MAPK8IP2: variants seen among roughly 807,000 people sequenced by gnomAD.
The protein encoded by MAPK8IP2 is mitogen-activated protein kinase 8 interacting protein 2.
A neutral mutation model predicts 75.6 loss-of-function variants in MAPK8IP2; 15 were observed. The observed-to-expected ratio is 0.20, with a 90% CI of 0.13 to 0.31. The LOEUF is 0.31. MAPK8IP2 is among the 10% of genes least tolerant of loss of function. The pLI, the probability that MAPK8IP2 is intolerant of heterozygous loss-of-function variation, is 1.00. For missense variants in MAPK8IP2, 1,089 were observed against 1,211.2 expected, an observed-to-expected ratio of 0.90 and a Z score of 1.50; for synonymous variants, 632 against 554.5, an observed-to-expected ratio of 1.14 and a Z score of -1.96.
At position 50,611,752 on chromosome 22, in the gene MAPK8IP2, C is replaced by A. The variant is rs1004033653; in HGVS notation, c.*973C>A. ...GTATCTAGAAGCACCCTTGGGAATT[C>A]TCCCTAGATACACTCGATTGGCCAC... On this transcript the variant is annotated 3_prime_UTR_variant, in exon 12 of 12. Transcript: ENST00000329492. This position sits in a 1 kb window ranked among gnomAD's most constrained non-coding sequence, Gnocchi z 5.5. 2.4e-4 allele frequency: 37 copies of A among 152,334 alleles called. No homozygotes were observed. The highest frequency in any genetic ancestry group is 8.2e-4 in the African/African-American group (34 of 41,552). The allele number at this position is 152,334 out of a possible 1,614,324, so 9.4% of individuals were successfully genotyped here.
Position 50,604,968 on chromosome 22 carries a change from G to T in MAPK8IP2, c.1669G>T (p.Gly557Cys). 1 of 1,612,234 alleles carries T rather than the reference G, an allele frequency of 6.2e-7. No individual in the cohort carries two copies. Residue 557 changes from glycine to cysteine, a missense_variant, in exon 5 of 12, where the codon GGT becomes TGT. Physicochemically the swap from Gly to Cys is radical, Grantham distance 159. Around this residue, in one of 2 missense-constraint regions of MAPK8IP2, gnomAD observed 960 missense variants for 1,009.6 expected, o/e 0.95. Coordinates refer to ENST00000329492, the MANE Select transcript of MAPK8IP2 (RefSeq NM_012324.6). ...EEAGAALLGG[G>C]QVSGDTSPDS... ...GGCGGGCGCGGCGCTGCTAGGCGGC[G>T]GTCAGGTCTCGGGGGACACCTCGCC...
intron 1 of MAPK8IP2, 125 bp from the exon 2 acceptor site, chr22:50,601,664 G>C (rs1196357651): frequency 3.0e-6 from 2 of 666,650 alleles, no homozygotes; most frequent in Non-Finnish European, 5.4e-6. Flanking sequence ...GATGTGTTCC[G>C]AGAGCTGGGG....
intron 5 of MAPK8IP2, 93 bp from the exon 6 acceptor site, chr22:50,605,275 G>A: frequency 7.9e-7 from 1 of 1,267,168 alleles, no homozygotes; most frequent in Non-Finnish European, 1.1e-6. Context: ...GGACTGTGGA[G>A]GGGACTTGGC....
At chr22:50,602,026 C>A in intron 2 of MAPK8IP2, 132 bp downstream of exon 2, 1 of 682,250 alleles carries the variant, frequency 1.5e-6, no homozygotes, top group Non-Finnish European at 2.6e-6. Flanking sequence ...TGGCTCCTCC[C>A]CACTTAACCC....
chr22:50,601,573 TTGGCTCCTCCGGGCAGGCC>T, intron 1 of MAPK8IP2, 197 bp from the exon 2 acceptor site: 1 of 527,390 alleles, frequency 1.9e-6, no homozygotes, highest in South Asian at 2.2e-5. Flanking sequence ...GGGGGCAGGG[TTGGCTCCTCCGGGCAGGCC>T]TGGCTCAGAT....
rs2146695894 is a variant in MAPK8IP2 at position 50,610,627 on chromosome 22, G to C, written c.2403-80G>C. 1 of 1,135,842 alleles carries C rather than the reference G, an allele frequency of 8.8e-7. No homozygotes were observed. The highest frequency in any genetic ancestry group is 1.3e-6 in the Non-Finnish European group (1 of 774,596). 70.4% of individuals were successfully genotyped at this position (1,135,842 alleles called of 1,614,324 possible). On this transcript the variant is annotated intron_variant, in intron 11 of 11. Transcript: ENST00000329492. This position sits in a 1 kb window ranked among gnomAD's most constrained non-coding sequence, Gnocchi z 4.3. ...TGGCTGCAGAGGGAGGAAGGAGGGA[G>C]AGCTCAGAGGCTCTGTGGAAGGCAG...
chr22:50,601,461 T>G (rs1221282582), intron 1 of MAPK8IP2: 1 of 252,494 alleles, frequency 4.0e-6, no homozygotes, highest in African/African-American at 2.2e-5. Context: ...GCGTTGCAGC[T>G]CCCCCTCCCC....
In MAPK8IP2 at chr22:50,607,386, A is replaced by G. The variant is rs908718340; in HGVS notation, c.2303+395A>G. Among the ~76,000 whole-genome samples, 4 of 152,094 alleles carry G rather than the reference A, an allele frequency of 2.6e-5. No homozygotes were observed. Among genetic ancestry groups the G allele is most frequent in the Admixed American group, 1.3e-4 (2 of 15,268 alleles). ...GTGTGGGATGCACTGGTCGGGGGCT[A>G]TATAGGCTCTGGGGCCCGCGTGTAA... On this transcript the variant is annotated intron_variant, in intron 10 of 11. Coordinates refer to ENST00000329492, the MANE Select transcript of MAPK8IP2 (RefSeq NM_012324.6). This position sits in a 1 kb window ranked among gnomAD's most constrained non-coding sequence, Gnocchi z 5.6.
At position 50,607,754 on chromosome 22, in the gene MAPK8IP2, G is replaced by A. The variant is rs754241091; in HGVS notation, c.2303+763G>A. 2.6e-5 allele frequency among the ~76,000 whole-genome samples: 4 copies of A among 152,046 alleles called. No individual in the cohort carries two copies. Among genetic ancestry groups the A allele is most frequent in the Non-Finnish European group, 4.4e-5 (3 of 68,000 alleles). On this transcript the variant is annotated intron_variant, in intron 10 of 11. Transcript: ENST00000329492. This position sits in a 1 kb window ranked among gnomAD's most constrained non-coding sequence, Gnocchi z 5.6. ...CACAAACGGTGAGACTGAAGTGGCC[G>A]TTGGTCCCATGGGTCTGGAGTTTAG...
rs780434914 is a variant in MAPK8IP2 at position 50,606,645 on chromosome 22, ACTT to A, written c.2125-7_2125-5del. 5.7e-6 allele frequency: 9 copies of A among 1,576,744 alleles called. No homozygotes were observed. Among genetic ancestry groups the A allele is most frequent in the East Asian group, 2.3e-5 (1 of 43,120 alleles). On this transcript the variant is annotated splice_polypyrimidine_tract_variant and intron_variant, in intron 8 of 11. Transcript: ENST00000329492. ...CTCCTCAAGACCCTCTTCTCCCCCAACTTCTTCTGTAGATTGCCACTGCCCGGA... is the reference window on the plus strand; with the variant it reads ...CTCCTCAAGACCCTCTTCTCCCCCAACTTCTGTAGATTGCCACTGCCCGGA...
intron 8 of MAPK8IP2, 131 bp from the exon 9 acceptor site, chr22:50,606,527 G>A: frequency 2.9e-6 from 2 of 701,056 alleles, no homozygotes; most frequent in Non-Finnish European, 2.6e-6. Flanking sequence ...TTCCAGAATT[G>A]CATCTCAGGG....
In MAPK8IP2 at chr22:50,604,544, C is replaced by T. The variant is rs1279788930; in HGVS notation, c.1245C>T (p.Cys415=). 14 of 1,151,322 alleles carry T rather than the reference C, an allele frequency of 1.2e-5. No individual in the cohort carries two copies. Among genetic ancestry groups the T allele is most frequent in the East Asian group, 4.5e-5 (1 of 22,464 alleles). The allele number at this position is 1,151,322 out of a possible 1,614,324, so 71.3% of individuals were successfully genotyped here. A position where few individuals can be genotyped will look rare whatever the true frequency, so the allele number is the denominator to read the frequency against. The change falls in exon 5 of 12, where the codon TGC becomes TGT. Residue 415 remains cysteine, a synonymous_variant. Transcript: ENST00000329492. The part of the protein sequence containing the change: ...GVELVDMETL[C]APPPPAPAAP... ...AGCTGGTGGACATGGAGACGCTGTG[C>T]GCGCCGCCGCCGCCCGCGCCCGCCG...
At position 50,610,327 on chromosome 22, in the gene MAPK8IP2, G is replaced by A. The variant is rs766734688; in HGVS notation, c.2402+17G>A. Reference sequence around the variant, plus strand: ...GAGTGTGGGGTGAGTGGGGCCCCAGGGTGTGGGTGCAGAATGGGTGCAGGG... The same window carrying A: ...GAGTGTGGGGTGAGTGGGGCCCCAGAGTGTGGGTGCAGAATGGGTGCAGGG... On this transcript the variant is annotated intron_variant, in intron 11 of 11. Coordinates refer to ENST00000329492, the MANE Select transcript of MAPK8IP2 (RefSeq NM_012324.6). This position sits in a 1 kb window ranked among gnomAD's most constrained non-coding sequence, Gnocchi z 4.3. The A allele has an allele frequency of 2.0e-5, 31 of 1,585,170 alleles. No individual in the cohort carries two copies. The highest frequency in any genetic ancestry group is 2.6e-5 in the Non-Finnish European group (30 of 1,164,600).
intron 10 of MAPK8IP2, chr22:50,609,766 A>T (rs1406983136): frequency 1.9e-6 from 1 of 517,826 alleles, no homozygotes; most frequent in South Asian, 1.4e-5. Flanking sequence ...AGACCGGAAG[A>T]GGGTTTTACA....
At position 50,605,120 on chromosome 22, in the gene MAPK8IP2, G is replaced by C. The variant is rs2146685563; in HGVS notation, c.1765+56G>C. On this transcript the variant is annotated intron_variant, in intron 5 of 11. Transcript: ENST00000329492. ...CCCAGAGGAAGGTGCAGACTCCCTG[G>C]CCCCAGTCCCAGGGTCCCCCACAGT... The C allele has an allele frequency of 2.5e-6, 4 of 1,592,874 alleles. No homozygotes were observed. The East Asian group carries it at 8.9e-5, about 36-fold the overall frequency.
At chr22:50,605,502 G>T (rs571090337) in intron 6 of MAPK8IP2, 59 bp downstream of exon 6, 11 of 1,607,802 alleles carry the variant, frequency 6.8e-6, no homozygotes, top group African/African-American at 1.3e-5. Flanking sequence ...ATCACGGAAC[G>T]CCAGTGGACA....
chr22:50,603,934 C>T lies in MAPK8IP2; in HGVS notation c.635C>T (p.Ala212Val). The T allele has an allele frequency of 1.3e-6, 2 of 1,541,206 alleles. No individual in the cohort carries two copies. The highest frequency in any genetic ancestry group is 1.7e-6 in the Non-Finnish European group (2 of 1,147,642). The stretch of plus-strand genomic sequence containing the variant: ...TGCGACTGCGAAGGGAACCGGCCTG[C>T]GGAACCCCCTGCGCCAGGGGGGACT... The part of the protein sequence containing the change: ...PGCDCEGNRP[A>V]EPPAPGGTSP... Residue 212 changes from alanine to valine, a missense_variant, in exon 5 of 12, where the codon GCG becomes GTG. By Grantham distance (64) the Ala-to-Val change is moderately conservative (BLOSUM62 0). Transcript: ENST00000329492.
At chr22:50,608,769 C>T (rs1268911075) in intron 10 of MAPK8IP2, among the ~76,000 whole-genome samples, 1 of 120,318 alleles carries the variant, frequency 8.3e-6, no homozygotes, top group East Asian at 2.6e-4. Flanking sequence ...ACCGGGACAG[C>T]GGACGGGGCG....
rs1200667589 is a variant in MAPK8IP2 at position 50,606,684 on chromosome 22, C to G, written c.2151C>G (p.Val717=). The G allele has an allele frequency of 1.3e-6, 2 of 1,598,006 alleles. No individual in the cohort carries two copies. The highest frequency in any genetic ancestry group is 1.1e-5 in the South Asian group (1 of 88,242). The change falls in exon 9 of 12, where the codon GTC becomes GTG. Residue 717 remains valine, a synonymous_variant. Coordinates refer to ENST00000329492, the MANE Select transcript of MAPK8IP2 (RefSeq NM_012324.6). ...QKIATARKLT[V]HLRPPASCDL... Reference sequence around the variant, plus strand: ...TTGCCACTGCCCGGAAACTGACCGTCCACCTGCGCCCTCCTGCCTCCTGTG... The same window carrying G: ...TTGCCACTGCCCGGAAACTGACCGTGCACCTGCGCCCTCCTGCCTCCTGTG...
Sources: allele counts gnomAD v4.1 joint callset (sites outside exome capture counted in the v4.1 genomes callset), GRCh38; gene constraint gnomAD v4.1.1; regional missense constraint gnomAD v4.1.1; non-coding constraint Gnocchi (gnomAD v3.1); transcripts MANE v1.5; gene names NCBI Gene and HGNC (gene_info 2026-07-23, HGNC 2026-07-21).